Variants in PTPRD observed in about 807,000 individuals in gnomAD.
PTPRD encodes receptor-type tyrosine-protein phosphatase delta.
Under a neutral mutation model 214.5 loss-of-function variants are expected in PTPRD, and 34 were observed. The ratio of observed to expected loss-of-function variants is 0.16; its 90% CI spans 0.12 to 0.21. The LOEUF is 0.21. Ranked by LOEUF, PTPRD falls within the 10% of genes least tolerant of loss-of-function variation. PTPRD has a pLI of 1.00. For synonymous variants in PTPRD, 1,128 were observed against 845.7 expected (o/e 1.33, Z -5.79); for missense variants, 2,545 against 2,398.7 (o/e 1.06, Z -1.27).
chr9:9,965,780 C>G (rs951197865), intron 4 of PTPRD, among the ~76,000 whole-genome samples: 2 of 152,138 alleles, frequency 1.3e-5, no homozygotes, highest in Admixed American at 6.5e-5. Context: ...AGTAACAGTA[C>G]TTATGCTACA....
chr9:8,376,565 A>G (rs918665085), intron 38 of PTPRD, 42 bp downstream of exon 38: 10 of 1,611,374 alleles, frequency 6.2e-6, no homozygotes, highest in Non-Finnish European at 8.5e-6. Flanking sequence ...TTCTTTAAAC[A>G]ATAGAGAAGG....
chr9:9,275,151 TATTATATATATAAC>T (rs1342447828), intron 9 of PTPRD, among the ~76,000 whole-genome samples: 2 of 64,592 alleles, frequency 3.1e-5, no homozygotes, highest in Non-Finnish European at 5.0e-5. Context: ...ATATATAATA[TATTATATATATAAC>T]ATATATATAA....
chr9:10,456,929 G>T (rs2098922234), intron 2 of PTPRD, among the ~76,000 whole-genome samples: 1 of 151,796 alleles, frequency 6.6e-6, no homozygotes, highest in African/African-American at 2.4e-5. Flanking sequence ...CTAGGAATAT[G>T]AAGCACATTT....
At chr9:9,959,779 C>T (rs2094219761) in intron 4 of PTPRD, among the ~76,000 whole-genome samples, 1 of 152,056 alleles carries the variant, frequency 6.6e-6, no homozygotes, top group Non-Finnish European at 1.5e-5. Context: ...AAATGGACAG[C>T]AGATAGAACC....
At chr9:10,287,718 C>T (rs1368406679) in intron 3 of PTPRD, among the ~76,000 whole-genome samples, 1 of 152,052 alleles carries the variant, frequency 6.6e-6, no homozygotes, top group Non-Finnish European at 1.5e-5. Context: ...TGCCATATTG[C>T]TATGCACTCT....
rs576000896 is a variant in PTPRD at position 8,465,652 on chromosome 9, C to A, written c.3528G>T (p.Lys1176Asn). The change falls in exon 32 of 46, where the codon AAG becomes AAT. Residue 1176 changes from lysine (K) to asparagine (N), a missense_variant. By Grantham distance (94) the Lys-to-Asn change is moderately conservative. Coordinates refer to ENST00000381196, the MANE Select transcript of PTPRD (RefSeq NM_002839.4). ...CTCTCCCATAACGGATGCTTCTGCG[C>A]TTCCTAGATATCTCCTTAAGCAGCT... is the stretch of plus-strand genomic sequence containing the variant. ...LDELLKEISR[K>N]RRSIRYGREV... is the part of the protein sequence containing the mutation. The A allele has an allele frequency of 2.5e-6, 4 of 1,611,806 alleles. No homozygotes were observed. Among genetic ancestry groups the A allele is most frequent in the Admixed American group, 3.3e-5 (2 of 59,770 alleles).
intron 11 of PTPRD, among the ~76,000 whole-genome samples, chr9:8,967,186 T>A (rs1440721467): frequency 6.6e-6 from 1 of 151,950 alleles, no homozygotes. Context: ...GGAATGCTTA[T>A]ACACTGTTGG....
intron 3 of PTPRD, among the ~76,000 whole-genome samples, chr9:10,076,179 T>G (rs1411215829): frequency 2.0e-5 from 3 of 152,038 alleles, no homozygotes; most frequent in Non-Finnish European, 2.9e-5. Context: ...GGTTTGAGGG[T>G]CTACGTCTTG....
chr9:9,148,969 C>G (rs1238378433), intron 10 of PTPRD, among the ~76,000 whole-genome samples: 2 of 152,122 alleles, frequency 1.3e-5, no homozygotes, highest in Non-Finnish European at 2.9e-5. Flanking sequence ...CCTTTGGAGA[C>G]AGTAAGCAAA....
intron 3 of PTPRD, among the ~76,000 whole-genome samples, chr9:10,206,318 T>A (rs1208779792): frequency 2.6e-5 from 4 of 152,144 alleles, no homozygotes; most frequent in Admixed American, 2.6e-4. Context: ...TAGTGCCATA[T>A]CTCATACCAA....
chr9:9,243,020 G>C (rs573479090), intron 9 of PTPRD, among the ~76,000 whole-genome samples: 3 of 152,170 alleles, frequency 2.0e-5, no homozygotes, highest in African/African-American at 7.2e-5. Flanking sequence ...TGGGGTTTTG[G>C]TGTGGATATC....
Position 8,698,645 on chromosome 9 carries a change from T to C in PTPRD, c.64+35135A>G, listed in dbSNP as rs186220283. 5.9e-5 allele frequency among the ~76,000 whole-genome samples: 9 copies of C among 152,284 alleles called. No individual in the cohort carries two copies. The East Asian group carries it at 1.7e-3, about 29-fold the overall frequency. Reference sequence around the variant, plus strand: ...AGGCTGTATGACCACAGGTTCAAAATGCATCCTGAGGGGATTCTACACCTG... The same window carrying C: ...AGGCTGTATGACCACAGGTTCAAAACGCATCCTGAGGGGATTCTACACCTG... On this transcript the variant is annotated intron_variant, in intron 12 of 45. Transcript: ENST00000381196.
Position 10,555,137 on chromosome 9 carries a change from A to C in PTPRD, c.-600+57261T>G, listed in dbSNP as rs151179810. Among the ~76,000 whole-genome samples, 30 of 152,336 alleles carry C rather than the reference A, an allele frequency of 2.0e-4. No individual in the cohort carries two copies. In the East Asian group the frequency reaches 5.0e-3, roughly 25 times the overall value. On this transcript the variant is annotated intron_variant, in intron 2 of 45. Transcript: ENST00000381196. ...AACAAACAACACACAAAAAACCTTT[A>C]AACTACTGTCAGAAAACCTTTCCAC...
chr9:10,363,998 T>TGTTTTTTTTTTG (rs71332737), intron 2 of PTPRD, among the ~76,000 whole-genome samples: 1 of 49,400 alleles, frequency 2.0e-5, no homozygotes, highest in Admixed American at 2.0e-4. Flanking sequence ...CGGGTTTTTT[T>TGTTTTTTTTTTG]TTTTTTTTTT....
intron 12 of PTPRD, among the ~76,000 whole-genome samples, chr9:8,709,385 G>A (rs2098278504): frequency 6.6e-6 from 1 of 151,622 alleles, no homozygotes; most frequent in Non-Finnish European, 1.5e-5. Flanking sequence ...CCTGGTGGCA[G>A]GCACCTGTAG....
intron 11 of PTPRD, among the ~76,000 whole-genome samples, chr9:8,864,246 G>A (rs779272729): frequency 3.3e-5 from 5 of 152,112 alleles, no homozygotes; most frequent in Non-Finnish European, 5.9e-5. Flanking sequence ...ACCAAAATTT[G>A]TACTGTTTAA....
At chr9:9,758,377 C>G (rs2253159) in intron 6 of PTPRD, among the ~76,000 whole-genome samples, 26,689 of 151,956 alleles carry the variant, frequency 0.18, 3,560 homozygotes, top group East Asian at 0.38. Flanking sequence ...CTGCTATATG[C>G]CCACCTGTGA....
At chr9:9,817,656 A>G (rs1233987420) in intron 5 of PTPRD, among the ~76,000 whole-genome samples, 1 of 152,126 alleles carries the variant, frequency 6.6e-6, no homozygotes, top group African/African-American at 2.4e-5. Flanking sequence ...TTGTCCACCC[A>G]TTGTCCACAG....
intron 8 of PTPRD, among the ~76,000 whole-genome samples, chr9:9,465,206 T>C (rs942296557): frequency 1.3e-5 from 2 of 152,202 alleles, no homozygotes; most frequent in African/African-American, 4.8e-5. Flanking sequence ...ATCATCAATA[T>C]AACAGCTGAA....
Sources: allele counts gnomAD v4.1 joint callset (sites outside exome capture counted in the v4.1 genomes callset), GRCh38; gene constraint gnomAD v4.1.1; transcripts MANE v1.5; gene names NCBI Gene and HGNC (gene_info 2026-07-23, HGNC 2026-07-21).